The following SYT16 variants were observed in gnomAD, a reference collection of about 807,000 sequenced individuals.
SYT16 encodes synaptotagmin 16.
SYT16 carries 42 observed loss-of-function variants against 61.4 expected under a neutral mutation model. That is an observed-to-expected ratio of 0.68 (90% CI 0.53 to 0.89). The LOEUF (loss-of-function observed/expected upper bound fraction) is 0.89. Ranked by LOEUF, SYT16 falls within the 40% of genes least tolerant of loss-of-function variation. The pLI is 0.00. For synonymous variants in SYT16, 314 were observed against 302.3 expected (o/e 1.04, Z -0.40); for missense variants, 804 against 807.3 (o/e 1.00, Z 0.05).
At chr14:62,034,749 T>C (rs1274494937) in intron 3 of SYT16, among the ~76,000 whole-genome samples, 2 of 152,142 alleles carry the variant, frequency 1.3e-5, no homozygotes, top group Admixed American at 6.6e-5. Flanking sequence ...GTAGTAGATA[T>C]GAGGTTTCCT....
At chr14:62,062,635 T>A (rs912407766) in intron 3 of SYT16, among the ~76,000 whole-genome samples, 1 of 152,208 alleles carries the variant, frequency 6.6e-6, no homozygotes, top group Non-Finnish European at 1.5e-5. Flanking sequence ...TGTGGCCGTT[T>A]TTCCTAGGGT....
At chr14:61,826,559 C>G (rs1206020509) in intron 1 of SYT16, among the ~76,000 whole-genome samples, 1 of 151,952 alleles carries the variant, frequency 6.6e-6, no homozygotes, top group African/African-American at 2.4e-5. Context: ...GTGAAGAGAC[C>G]TGGCAGACTT....
intron 1 of SYT16, among the ~76,000 whole-genome samples, chr14:61,818,640 C>T (rs376470235): frequency 1.1e-4 from 16 of 149,122 alleles, no homozygotes; most frequent in South Asian, 2.1e-4. Context: ...ATTGCTTCAC[C>T]GCACTCCAGC....
At chr14:61,886,132 T>C (rs1227777128) in intron 1 of SYT16, among the ~76,000 whole-genome samples, 1 of 151,932 alleles carries the variant, frequency 6.6e-6, no homozygotes, top group Non-Finnish European at 1.5e-5. Context: ...GCCCAGCTAA[T>C]TTTTTGTATT....
chr14:61,845,954 T>C (rs933937959), intron 1 of SYT16, among the ~76,000 whole-genome samples: 4 of 152,232 alleles, frequency 2.6e-5, no homozygotes, highest in African/African-American at 9.6e-5. Context: ...TTCAGGAGCA[T>C]ATTGTTTAAT....
At chr14:62,025,206 C>A (rs2054055248) in intron 3 of SYT16, among the ~76,000 whole-genome samples, 1 of 152,076 alleles carries the variant, frequency 6.6e-6, no homozygotes, top group African/African-American at 2.4e-5. Context: ...CACTGTCTTC[C>A]AAAGTGGTTA....
At chr14:62,010,104 C>G (rs1276197120) in intron 3 of SYT16, among the ~76,000 whole-genome samples, 1 of 152,092 alleles carries the variant, frequency 6.6e-6, no homozygotes, top group African/African-American at 2.4e-5. Context: ...AAAGTATTGT[C>G]AAAGCATTTG....
chr14:61,926,286 A>G (rs1344821190), intron 1 of SYT16, among the ~76,000 whole-genome samples: 1 of 152,200 alleles, frequency 6.6e-6, no homozygotes, highest in East Asian at 1.9e-4. Context: ...GTTGAAACTC[A>G]TGGGAAACAC....
At chr14:62,060,613 G>C (rs1194325974) in intron 3 of SYT16, among the ~76,000 whole-genome samples, 1 of 151,440 alleles carries the variant, frequency 6.6e-6, no homozygotes, top group East Asian at 1.9e-4. Context: ...GTGTTAATTT[G>C]GTGAATTGCA....
chr14:62,011,926 C>CACAT (rs1555370087), intron 3 of SYT16, among the ~76,000 whole-genome samples: 9 of 132,820 alleles, frequency 6.8e-5, no homozygotes, highest in African/African-American at 2.7e-4. Context: ...CACACACACA[C>CACAT]ATATATATAT....
intron 3 of SYT16, among the ~76,000 whole-genome samples, chr14:62,030,157 TG>T (rs2054259584): frequency 6.6e-6 from 1 of 152,180 alleles, no homozygotes; most frequent in Non-Finnish European, 1.5e-5. Context: ...TAGGAAAATT[TG>T]ACCATTATTG....
rs114568225 is a variant in SYT16, at chr14:61,963,269, A to G, written c.-324-6863A>G. ...TACTTCATGAGCAAGACATGCCCAA[A>G]GCTGAGATAAGCCAAAAGCTAGATC... On this transcript the variant is annotated intron_variant, in intron 1 of 7. Coordinates refer to ENST00000683842, the MANE Select transcript of SYT16 (RefSeq NM_001367656.1). Among the ~76,000 whole-genome samples the G allele has an allele frequency of 4.7e-3, 715 of 152,334 alleles. 3 individuals carry two copies. The highest frequency in any genetic ancestry group is 0.016 in the African/African-American group (678 of 41,580).
chr14:61,937,767 A>G (rs887462447), intron 1 of SYT16, among the ~76,000 whole-genome samples: 8 of 152,290 alleles, frequency 5.3e-5, no homozygotes, highest in Admixed American at 1.3e-4. Flanking sequence ...AGAGAACTAG[A>G]GGAAAGAGGA....
At chr14:62,009,933 G>C (rs1370236345) in intron 3 of SYT16, among the ~76,000 whole-genome samples, 1 of 152,200 alleles carries the variant, frequency 6.6e-6, no homozygotes, top group East Asian at 1.9e-4. Context: ...CAGTCCTAGG[G>C]GTGCTAGCTG....
intron 1 of SYT16, among the ~76,000 whole-genome samples, chr14:61,904,353 G>T (rs1245751852): frequency 6.6e-6 from 1 of 152,214 alleles, no homozygotes; most frequent in Non-Finnish European, 1.5e-5. Flanking sequence ...GAAGGCAGAT[G>T]CCAGCTTCCT....
At chr14:62,067,631 G>A (rs2056115660) in intron 3 of SYT16, among the ~76,000 whole-genome samples, 1 of 152,188 alleles carries the variant, frequency 6.6e-6, no homozygotes, top group African/African-American at 2.4e-5. Context: ...ATGGAGAAGA[G>A]GAAACTCTAG....
At chr14:61,894,909 C>T (rs2048273202) in intron 1 of SYT16, among the ~76,000 whole-genome samples, 1 of 152,164 alleles carries the variant, frequency 6.6e-6, no homozygotes, top group Admixed American at 6.5e-5. Context: ...GAGATGGGGT[C>T]ATGGCTTGTT....
chr14:62,048,443 ATT>A (rs1199986522), intron 3 of SYT16, among the ~76,000 whole-genome samples: 1 of 151,936 alleles, frequency 6.6e-6, no homozygotes. Context: ...GGATTCATTG[ATT>A]TTTTGAAGGG....
rs924819340 is a variant in SYT16, at chr14:62,103,457, G to T, written c.*2750G>T. 6.6e-6 allele frequency: 1 copy of T among 152,120 alleles called. No individual in the cohort carries two copies. The highest frequency in any genetic ancestry group is 2.4e-5 in the African/African-American group (1 of 41,430). 9.4% of individuals were successfully genotyped at this position (152,120 alleles called of 1,614,324 possible). On this transcript the variant is annotated 3_prime_UTR_variant, in exon 8 of 8. Transcript: ENST00000683842. The stretch of plus-strand genomic sequence containing the variant: ...TAATATCGTTAAGAGTAAATGATGC[G>T]CTGGGTTTATGGAAATCTGCTTTAT...
Sources: gnomAD v4.1 joint callset for allele counts (sites outside exome capture counted in the v4.1 genomes callset) on GRCh38, gnomAD v4.1.1 for gene constraint, MANE v1.5 for transcripts, NCBI Gene and HGNC (gene_info 2026-07-23, HGNC 2026-07-21) for gene names.